HSPA4: variants seen among roughly 807,000 people sequenced by gnomAD.
HSPA4 encodes heat shock 70 kDa protein 4.
In HSPA4, 25 loss-of-function variants were observed where a neutral mutation model predicts 106.2. The observed-to-expected ratio is 0.24, with a 90% CI of 0.17 to 0.33. The LOEUF (loss-of-function observed/expected upper bound fraction) is 0.33. Ranked by LOEUF, HSPA4 falls within the 10% of genes least tolerant of loss-of-function variation. The probability of loss-of-function intolerance (pLI) is 1.00; values close to 1 mark genes in which losing one functional copy is unlikely to be tolerated. For synonymous variants in HSPA4, 332 were observed against 333.6 expected (o/e 1.00, Z 0.05); for missense variants, 841 against 996.0 (o/e 0.84, Z 2.10).
intron 13 of HSPA4, 57 bp downstream of exon 13, chr5:133,092,846 AGTTTCAGTCTGTTGCCCAG>A (rs1765665859): frequency 1.2e-6 from 1 of 844,018 alleles, no homozygotes; most frequent in Admixed American, 3.8e-5. Flanking sequence ...TTTGAGACAG[AGTTTCAGTCTGTTGCCCAG>A]GCTGGAGTGC....
At position 133,089,569 on chromosome 5, in the gene HSPA4, G is replaced by C; in HGVS notation, c.1252G>C (p.Glu418Gln). 13 of 1,613,154 alleles carry C rather than the reference G, an allele frequency of 8.1e-6. No homozygotes were observed. The highest frequency in any genetic ancestry group is 1.0e-5 in the Non-Finnish European group (12 of 1,179,554). Residue 418 changes from glutamate to glutamine, a missense_variant, in exon 11 of 19, where the codon GAA becomes CAA. This residue lies in a region of HSPA4 where 162 missense variants were observed against 177.7 expected (regional missense o/e 0.91). Transcript: ENST00000304858. ...SPAEEGSSDC[E>Q]VFSKNHAAPF... The stretch of plus-strand genomic sequence containing the variant: ...TCTTTTTCCTCCATTCAGTGACTGT[G>C]AAGTCTTTTCCAAAAATCATGCTGC...
At chr5:133,092,213 T>G (rs1765655627) in intron 12 of HSPA4, among the ~76,000 whole-genome samples, 1 of 152,156 alleles carries the variant, frequency 6.6e-6, no homozygotes. Flanking sequence ...TCTTTCATTG[T>G]TATTTTTAGG....
chr5:133,087,609 G>A (rs1443178654), intron 8 of HSPA4, among the ~76,000 whole-genome samples: 1 of 152,090 alleles, frequency 6.6e-6, no homozygotes, highest in African/African-American at 2.4e-5. Context: ...AACTGTACCT[G>A]TAGTTTATTT....
intron 16 of HSPA4, among the ~76,000 whole-genome samples, chr5:133,100,610 C>T (rs1322331251): frequency 6.6e-6 from 1 of 152,090 alleles, no homozygotes; most frequent in African/African-American, 2.4e-5. Flanking sequence ...CAAGGTGAAA[C>T]CCTGTCTCTA....
chr5:133,088,158 A>G (rs557918098), intron 8 of HSPA4, among the ~76,000 whole-genome samples: 1 of 152,210 alleles, frequency 6.6e-6, no homozygotes, highest in East Asian at 1.9e-4. Flanking sequence ...AGTACATTTG[A>G]GGATTCCTGG....
intron 12 of HSPA4, among the ~76,000 whole-genome samples, chr5:133,092,161 G>A (rs748688290): frequency 6.6e-6 from 1 of 152,190 alleles, no homozygotes; most frequent in Non-Finnish European, 1.5e-5. Flanking sequence ...CTAATATGTT[G>A]CAGGCATTGA....
At chr5:133,083,266 C>T (rs1765537166) in intron 7 of HSPA4, among the ~76,000 whole-genome samples, 1 of 150,176 alleles carries the variant, frequency 6.7e-6, no homozygotes, top group African/African-American at 2.4e-5. Context: ...GAGCTGAGAT[C>T]GTGCCACTGC....
chr5:133,081,281 C>T (rs963500632), intron 7 of HSPA4, among the ~76,000 whole-genome samples: 1 of 152,186 alleles, frequency 6.6e-6, no homozygotes, highest in African/African-American at 2.4e-5. Flanking sequence ...CTGCTGACCT[C>T]GAGTCATCCA....
intron 3 of HSPA4, among the ~76,000 whole-genome samples, chr5:133,069,231 T>G (rs1439001363): frequency 1.2e-5 from 1 of 84,496 alleles, no homozygotes; most frequent in African/African-American, 4.9e-5. Context: ...TGAAGCTTTG[T>G]TCATTATTGT....
At chr5:133,076,539 C>G in intron 6 of HSPA4, 115 bp from the exon 7 acceptor site, 1 of 903,198 alleles carries the variant, frequency 1.1e-6, no homozygotes, top group Non-Finnish European at 1.7e-6. Context: ...TTGTTTTAAC[C>G]TTAATGTAAC....
intron 13 of HSPA4, among the ~76,000 whole-genome samples, chr5:133,093,640 A>C (rs748938608): frequency 4.6e-5 from 7 of 152,046 alleles, no homozygotes; most frequent in Non-Finnish European, 1.0e-4. Context: ...ACAGGCGTGC[A>C]CCATCACGCC....
At chr5:133,067,009 G>T (rs2126698038) in intron 2 of HSPA4, among the ~76,000 whole-genome samples, 1 of 152,226 alleles carries the variant, frequency 6.6e-6, no homozygotes, top group African/African-American at 2.4e-5. Context: ...ATGACACCCG[G>T]CCTTAACTAG....
Position 133,070,513 on chromosome 5 carries a change from T to TA in HSPA4, c.429+18dup. On this transcript the variant is annotated intron_variant, in intron 4 of 18. Transcript: ENST00000304858. Reference sequence around the variant, plus strand: ...GTTGTTTCGGTGAGTTTGATCCCTATACATTATTGGGAATTTGCATGAAGA... The same window carrying TA: ...GTTGTTTCGGTGAGTTTGATCCCTATAACATTATTGGGAATTTGCATGAAGA... 6.2e-7 allele frequency: 1 copy of TA among 1,612,596 alleles called. No individual in the cohort carries two copies.
At chr5:133,067,615 CAATATCTATCTGTACTT>C (rs1765324773) in intron 3 of HSPA4, 58 bp downstream of exon 3, 1 of 1,365,024 alleles carries the variant, frequency 7.3e-7, no homozygotes, top group East Asian at 2.3e-5. Context: ...TTTATCAGTT[CAATATCTATCTGTACTT>C]TTCTGATGTC....
intron 12 of HSPA4, 147 bp downstream of exon 12, chr5:133,091,521 A>G: frequency 1.7e-6 from 1 of 584,888 alleles, no homozygotes; most frequent in East Asian, 2.8e-5. Context: ...CCCCCAATAT[A>G]AGTGAACCAG....
intron 7 of HSPA4, among the ~76,000 whole-genome samples, chr5:133,079,876 C>T (rs1216297372): frequency 6.6e-6 from 1 of 152,164 alleles, no homozygotes; most frequent in Non-Finnish European, 1.5e-5. Flanking sequence ...AGGGATAGCA[C>T]ATGTGAATAG....
At chr5:133,060,427 A>G (rs992300369) in intron 1 of HSPA4, among the ~76,000 whole-genome samples, 1 of 151,930 alleles carries the variant, frequency 6.6e-6, no homozygotes, top group Non-Finnish European at 1.5e-5. Context: ...CAGTGGTGCA[A>G]TCTCGGCTCA....
intron 2 of HSPA4, among the ~76,000 whole-genome samples, chr5:133,066,275 G>T (rs1208693050): frequency 6.6e-6 from 1 of 152,174 alleles, no homozygotes; most frequent in East Asian, 1.9e-4. Flanking sequence ...TTCATAAAAG[G>T]ACTTCTGTGT....
At chr5:133,079,867 G>A (rs953974699) in intron 7 of HSPA4, among the ~76,000 whole-genome samples, 1 of 152,184 alleles carries the variant, frequency 6.6e-6, no homozygotes, top group Admixed American at 6.5e-5. Context: ...AGATTCCTAA[G>A]GGATAGCACA....
Sources: gnomAD v4.1 joint callset for allele counts (sites outside exome capture counted in the v4.1 genomes callset) on GRCh38, gnomAD v4.1.1 for gene constraint, gnomAD v4.1.1 regional missense constraint, MANE v1.5 for transcripts, NCBI Gene and HGNC (gene_info 2026-07-23, HGNC 2026-07-21) for gene names.